Variants in FAM162B observed in about 807,000 individuals in gnomAD.
FAM162B encodes the protein protein FAM162B.
In FAM162B, 16 loss-of-function variants were observed where a neutral mutation model predicts 20.0. The observed-to-expected ratio is 0.80, with a 90% CI of 0.54 to 1.21. FAM162B has a LOEUF of 1.21. Among genes scored for constraint, FAM162B ranks in the 50% most tolerant of loss-of-function variants. FAM162B has a pLI of 0.00. For synonymous variants in FAM162B, 83 were observed against 89.7 expected (o/e 0.93, Z 0.42); for missense variants, 260 against 227.5 (o/e 1.14, Z -0.92).
intron 3 of FAM162B, 36 bp from the exon 4 acceptor site, chr6:116,752,731 T>TAC (rs10649123): frequency 6.8e-6 from 3 of 442,414 alleles, no homozygotes; most frequent in Non-Finnish European, 1.0e-5. Flanking sequence ...TATATATATA[T>TAC]ATAGATACAC....
chr6:116,755,777 T>C lies in FAM162B; in HGVS notation c.391-3082A>G, dbSNP rs9398445. On this transcript the variant is annotated intron_variant, in intron 3 of 3. Coordinates refer to ENST00000368557, the MANE Select transcript of FAM162B (RefSeq NM_001085480.3). ...ATACTCATTAGCATTCTGAAAATCC[T>C]AGGGCTCTTAAGAATTATGGTAAAT... 0.012 allele frequency among the ~76,000 whole-genome samples: 1,837 copies of C among 152,244 alleles called. 208 individuals carry two copies. The East Asian group carries it at 0.28, about 23-fold the overall frequency.
At chr6:116,752,813 T>TTCTATC in intron 3 of FAM162B, 118 bp from the exon 4 acceptor site, 1 of 243,984 alleles carries the variant, frequency 4.1e-6, no homozygotes, top group Non-Finnish European at 7.1e-6. Flanking sequence ...AAATTTGTAT[T>TTCTATC]TGAGATAGAA....
chr6:116,760,146 A>G (rs371082549), intron 3 of FAM162B, among the ~76,000 whole-genome samples: 247 of 152,346 alleles, frequency 1.6e-3, no homozygotes, highest in African/African-American at 5.2e-3. Context: ...CAGGTGCTCA[A>G]AAGTATTTAG....
chr6:116,757,666 T>G (rs550950727), intron 3 of FAM162B, among the ~76,000 whole-genome samples: 12 of 151,278 alleles, frequency 7.9e-5, no homozygotes, highest in African/African-American at 2.9e-4. Context: ...GCAGAATCCC[T>G]TGAGCCTGGC....
chr6:116,753,783 T>G (rs1300306442), intron 3 of FAM162B, among the ~76,000 whole-genome samples: 1 of 152,144 alleles, frequency 6.6e-6, no homozygotes, highest in African/African-American at 2.4e-5. Context: ...GGAGTGAGTG[T>G]AGCTAGAGAA....
At chr6:116,758,005 G>T (rs1780073147) in intron 3 of FAM162B, among the ~76,000 whole-genome samples, 1 of 152,024 alleles carries the variant, frequency 6.6e-6, no homozygotes, top group Non-Finnish European at 1.5e-5. Flanking sequence ...GAAGAGGGAA[G>T]TAGAAACATT....
At chr6:116,759,357 A>G (rs1239146278) in intron 3 of FAM162B, among the ~76,000 whole-genome samples, 1 of 145,772 alleles carries the variant, frequency 6.9e-6, no homozygotes, top group South Asian at 2.1e-4. Flanking sequence ...GCTGGAGTGC[A>G]GTGGCACAAT....
At chr6:116,753,099 C>G (rs576851143) in intron 3 of FAM162B, among the ~76,000 whole-genome samples, 1 of 152,152 alleles carries the variant, frequency 6.6e-6, no homozygotes, top group Admixed American at 6.6e-5. Context: ...GCCTACCAGT[C>G]TTTCCCTAGC....
Position 116,752,477 on chromosome 6 carries a change from GCTT to G in FAM162B, c.*117_*119del. ...AAAATAAAAATAAAAAAGACATTGT[GCTT>G]CTTGTTACCAAAATAAAACCATGGC... On this transcript the variant is annotated 3_prime_UTR_variant, in exon 4 of 4. Coordinates refer to ENST00000368557, the MANE Select transcript of FAM162B (RefSeq NM_001085480.3). The G allele has an allele frequency of 2.3e-6, 1 of 425,610 alleles. No homozygotes were observed. Among genetic ancestry groups the G allele is most frequent in the Non-Finnish European group, 4.2e-6 (1 of 238,676 alleles). The allele number at this position is 425,610 out of a possible 1,614,324, so 26.4% of individuals were successfully genotyped here. A position where few individuals can be genotyped will look rare whatever the true frequency, so the allele number is the denominator to read the frequency against.
Position 116,752,639 on chromosome 6 carries a change from CCA to C in FAM162B, c.445_446del (p.Trp149AlafsTer2). The C allele has an allele frequency of 1.9e-6, 3 of 1,593,858 alleles. No homozygotes were observed. The highest frequency in any genetic ancestry group is 2.6e-6 in the Non-Finnish European group (3 of 1,168,534). On this transcript the variant is annotated frameshift_variant, in exon 4 of 4. Transcript: ENST00000368557. LOFTEE classifies it high-confidence loss of function. Reference sequence around the variant, plus strand: ...GTGCAGCCAATGCAGCTTCTTCACGCCACTTAGCTTTCTTTGCCAAGTTCCAA... The same window carrying C: ...GTGCAGCCAATGCAGCTTCTTCACGCCTTAGCTTTCTTTGCCAAGTTCCAA... Reference protein sequence around the residue: ...TSWNLAKKAKWREEAALAAQA... With the variant: ...TSWNLAKKAKXREEAALAAQA...
At chr6:116,762,908 T>C (rs181798671) in intron 2 of FAM162B, among the ~76,000 whole-genome samples, 1 of 152,274 alleles carries the variant, frequency 6.6e-6, no homozygotes, top group African/African-American at 2.4e-5. Flanking sequence ...ATATGCATAT[T>C]TAAAGAATTT....
chr6:116,765,533 A>G lies in FAM162B; in HGVS notation c.44T>C (p.Leu15Pro). The G allele has an allele frequency of 7.2e-7, 1 of 1,391,662 alleles. No homozygotes were observed. Among genetic ancestry groups the G allele is most frequent in the South Asian group, 1.7e-5 (1 of 59,612 alleles). 86.2% of individuals were successfully genotyped at this position (1,391,662 alleles called of 1,614,324 possible). Residue 15 changes from leucine to proline, a missense_variant, in exon 1 of 4, where the codon CTA becomes CCA. Leu to Pro is a moderately conservative substitution (Grantham distance 98, BLOSUM62 -3). Coordinates refer to ENST00000368557, the MANE Select transcript of FAM162B (RefSeq NM_001085480.3). ...VGSLLRLGRGLTVRCGPGAPL... is the reference protein window; with the variant it reads ...VGSLLRLGRGPTVRCGPGAPL... ...CGCCCCGGGGCCGCAGCGGACTGTT[A>G]GCCCGCGGCCAAGGCGCAGTAGGCT...
intron 3 of FAM162B, among the ~76,000 whole-genome samples, chr6:116,757,519 G>A (rs1780065621): frequency 6.6e-6 from 1 of 152,162 alleles, no homozygotes; most frequent in Non-Finnish European, 1.5e-5. Context: ...GCCAAGGCAG[G>A]AGGATCGCTT....
intron 2 of FAM162B, among the ~76,000 whole-genome samples, chr6:116,763,767 C>T (rs590022): frequency 0.99 from 148,974 of 151,154 alleles, 73,453 homozygotes; most frequent in East Asian, 1. Context: ...TGGTGGCTTA[C>T]TTATTTTAAT....
rs537367587 is a variant in FAM162B, at chr6:116,764,889, C to G, written c.281+258G>C. Among the ~76,000 whole-genome samples, 27 of 152,308 alleles carry G rather than the reference C, an allele frequency of 1.8e-4. No homozygotes were observed. In the South Asian group the frequency reaches 5.6e-3, roughly 32 times the overall value. The stretch of plus-strand genomic sequence containing the variant: ...GCTTGCTGGGGACCGGCAATCTGGG[C>G]GGTGCTGGAAGTGTCCCCTGAACCT... On this transcript the variant is annotated intron_variant, in intron 2 of 3. Transcript: ENST00000368557.
At position 116,765,385 on chromosome 6, in the gene FAM162B, C is replaced by A; in HGVS notation, c.172+20G>T. ...CAACCTCCTCCCTCCCAGGACCTCCCCGTCGGAGCCCTGGCTCACCGTGAC... is the reference window on the plus strand; with the variant it reads ...CAACCTCCTCCCTCCCAGGACCTCCACGTCGGAGCCCTGGCTCACCGTGAC... On this transcript the variant is annotated intron_variant, in intron 1 of 3. Coordinates refer to ENST00000368557, the MANE Select transcript of FAM162B (RefSeq NM_001085480.3). 6.8e-7 allele frequency: 1 copy of A among 1,480,458 alleles called. No homozygotes were observed. Among genetic ancestry groups the A allele is most frequent in the Admixed American group, 2.4e-5 (1 of 41,590 alleles). The allele number at this position is 1,480,458 out of a possible 1,614,324, so 91.7% of individuals were successfully genotyped here. A position where few individuals can be genotyped will look rare whatever the true frequency, so the allele number is the denominator to read the frequency against.
Position 116,765,627 on chromosome 6 carries a change from C to T in FAM162B, c.-51G>A. On this transcript the variant is annotated 5_prime_UTR_variant, in exon 1 of 4. Transcript: ENST00000368557. ...CCGCACCTCCGGACCCAGCCACAGG[C>T]GTTGTCCCCGCAGCTCTCCTCGTCC... 1.6e-6 allele frequency: 2 copies of T among 1,270,756 alleles called. No individual in the cohort carries two copies. The highest frequency in any genetic ancestry group is 2.0e-6 in the Non-Finnish European group (2 of 1,012,708). The allele number at this position is 1,270,756 out of a possible 1,614,324, so 78.7% of individuals were successfully genotyped here. A position where few individuals can be genotyped will look rare whatever the true frequency, so the allele number is the denominator to read the frequency against.
rs1407529112 is a variant in FAM162B, at chr6:116,759,297, TTC to T, written c.390+2678_390+2679del. Among the ~76,000 whole-genome samples, 777 of 146,290 alleles carry T rather than the reference TTC, an allele frequency of 5.3e-3. 7 individuals carry two copies. Among genetic ancestry groups the T allele is most frequent in the African/African-American group, 0.019 (740 of 38,032 alleles). ...TAGGATCCTTATTTCTAATCTTTCTTTCTTTTTTTTTTTTTTTTTATTTTTTG... is the reference window on the plus strand; with the variant it reads ...TAGGATCCTTATTTCTAATCTTTCTTTTTTTTTTTTTTTTTTTATTTTTTG... On this transcript the variant is annotated intron_variant, in intron 3 of 3. Coordinates refer to ENST00000368557, the MANE Select transcript of FAM162B (RefSeq NM_001085480.3).
At chr6:116,758,909 A>AGTTTTAATTATTGTTGTTGTTTT (rs1361903246) in intron 3 of FAM162B, among the ~76,000 whole-genome samples, 1 of 152,140 alleles carries the variant, frequency 6.6e-6, no homozygotes, top group African/African-American at 2.4e-5. Context: ...TCAGTACTGC[A>AGTTTTAATTATTGTTGTTGTTTT]GTTTTAATTA....
Sources: gnomAD v4.1 joint callset for allele counts (sites outside exome capture counted in the v4.1 genomes callset) on GRCh38, gnomAD v4.1.1 for gene constraint, MANE v1.5 for transcripts, NCBI Gene and HGNC (gene_info 2026-07-23, HGNC 2026-07-21) for gene names.